PSMD11: variants seen among roughly 807,000 people sequenced by gnomAD.
The protein encoded by PSMD11 is 26S proteasome non-ATPase regulatory subunit 11.
In PSMD11, 5 loss-of-function variants were observed where a neutral mutation model predicts 62.3. That is an observed-to-expected ratio of 0.08 (90% CI 0.04 to 0.17). PSMD11 has a LOEUF of 0.17. Among genes scored for constraint, PSMD11 ranks in the 10% least tolerant of loss-of-function variants. PSMD11 has a pLI of 1.00. For missense variants in PSMD11, 310 were observed against 512.9 expected (o/e 0.60, Z 3.82); for synonymous variants, 191 against 191.8 (o/e 1.00, Z 0.03).
intron 5 of PSMD11, among the ~76,000 whole-genome samples, chr17:32,466,434 C>T (rs1025552471): frequency 2.0e-5 from 3 of 152,204 alleles, no homozygotes; most frequent in Admixed American, 6.5e-5. Flanking sequence ...ATTTGTTTCT[C>T]TGTGATTGTC....
intron 2 of PSMD11, among the ~76,000 whole-genome samples, chr17:32,448,501 G>C (rs909238624): frequency 6.6e-6 from 1 of 151,830 alleles, no homozygotes. Context: ...CCGAGTAGCT[G>C]GGATTGCCAG....
At chr17:32,468,567 T>TA (rs2150836354) in intron 5 of PSMD11, among the ~76,000 whole-genome samples, 1 of 152,328 alleles carries the variant, frequency 6.6e-6, no homozygotes, top group East Asian at 1.9e-4. Flanking sequence ...GAAGAAGGTA[T>TA]ATTTGGAGAA....
At chr17:32,470,943 T>A (rs1462331358) in intron 6 of PSMD11, among the ~76,000 whole-genome samples, 1 of 152,134 alleles carries the variant, frequency 6.6e-6, no homozygotes, top group Non-Finnish European at 1.5e-5. Context: ...GTTTTTTGAG[T>A]AGGCTGGAAG....
intron 7 of PSMD11, 95 bp downstream of exon 7, chr17:32,474,040 T>C (rs1009119309): frequency 4.3e-5 from 62 of 1,456,170 alleles, no homozygotes; most frequent in Non-Finnish European, 9.4e-6. Flanking sequence ...GTTTGGCCAG[T>C]TACAGAAACA....
intron 3 of PSMD11, among the ~76,000 whole-genome samples, chr17:32,461,016 A>T (rs939538385): frequency 6.6e-6 from 1 of 152,040 alleles, no homozygotes; most frequent in Non-Finnish European, 1.5e-5. Context: ...CCTTCCAGGG[A>T]TCTCTGGGGA....
At position 32,449,445 on chromosome 17, in the gene PSMD11, C is replaced by G. The variant is rs529964315; in HGVS notation, c.193+2399C>G. 4.0e-4 allele frequency among the ~76,000 whole-genome samples: 61 copies of G among 152,252 alleles called. 2 individuals are homozygous for G. The South Asian group carries it at 0.012, about 31-fold the overall frequency. On this transcript the variant is annotated intron_variant, in intron 2 of 13. Coordinates refer to ENST00000261712, the MANE Select transcript of PSMD11 (RefSeq NM_002815.4). ...TGTTGTTGAAATATCCAAATTTCTA[C>G]TTTCCTCCAGTGGCATGAATTAAGA...
chr17:32,463,624 A>G (rs1907908212), intron 3 of PSMD11: 1 of 162,990 alleles, frequency 6.1e-6, no homozygotes, highest in Admixed American at 5.8e-5. Flanking sequence ...GCTAGGAATG[A>G]GGCATTAGTG....
intron 12 of PSMD11, 135 bp from the exon 13 acceptor site, chr17:32,480,353 GT>G: frequency 6.9e-7 from 1 of 1,448,676 alleles, no homozygotes; most frequent in East Asian, 2.3e-5. Flanking sequence ...ATAAGCATGT[GT>G]ACATGGAATA....
At position 32,469,087 on chromosome 17, in the gene PSMD11, C is replaced by T; in HGVS notation, c.537C>T (p.Ala179=). 6.2e-7 allele frequency: 1 copy of T among 1,614,010 alleles called. No homozygotes were observed. Among genetic ancestry groups the T allele is most frequent in the Non-Finnish European group, 8.5e-7 (1 of 1,180,012 alleles). Residue 179 remains alanine, a synonymous_variant, in exon 6 of 14, where the codon GCC becomes GCT. Transcript: ENST00000261712. ...VQLLESKTYH[A]LSNLPKARAA... ...TTTTAGAAAGCAAAACATACCATGC[C>T]CTGAGCAACCTGCCGAAAGCCCGAG...
chr17:32,471,963 C>T (rs1908175281), intron 6 of PSMD11, among the ~76,000 whole-genome samples: 1 of 152,068 alleles, frequency 6.6e-6, no homozygotes, highest in South Asian at 2.1e-4. Context: ...CATCAGCCTC[C>T]CAGGCTCACG....
rs570226051 is a variant in PSMD11 at position 32,444,613 on chromosome 17, C to T, written c.90C>T (p.Ile30=). The T allele has an allele frequency of 6.2e-7, 1 of 1,610,848 alleles. No homozygotes were observed. The highest frequency in any genetic ancestry group is 1.1e-5 in the South Asian group (1 of 90,938). The change falls in exon 1 of 14, where the codon ATC becomes ATT. Residue 30 remains isoleucine, a splice_region_variant and synonymous_variant. Transcript: ENST00000261712. ...CCTCCATCGACATCCTCCACTCCAT[C>T]GGTAAAGGTCGCCGCGCCGCCTCCC... ...REASIDILHS[I]VKRDIQENDE...
At chr17:32,479,491 G>A in intron 10 of PSMD11, 115 bp downstream of exon 10, 1 of 1,410,558 alleles carries the variant, frequency 7.1e-7, no homozygotes, top group African/African-American at 1.4e-5. Context: ...GTGGGCAAGA[G>A]GCCACCAAGA....
chr17:32,469,509 G>A (rs187655263), intron 6 of PSMD11, among the ~76,000 whole-genome samples: 33 of 152,242 alleles, frequency 2.2e-4, no homozygotes, highest in Non-Finnish European at 4.4e-4. Context: ...TTTGGGATTG[G>A]CCTACCCCAA....
At chr17:32,458,875 ACCT>A (rs1907726379) in intron 3 of PSMD11, among the ~76,000 whole-genome samples, 1 of 151,466 alleles carries the variant, frequency 6.6e-6, no homozygotes. Flanking sequence ...CTCACATCTT[ACCT>A]CCTCAGAGAC....
intron 1 of PSMD11, chr17:32,445,908 A>G (rs1907318317): frequency 6.6e-6 from 1 of 152,234 alleles, no homozygotes; most frequent in African/African-American, 2.4e-5. Context: ...TAGGTCAGTT[A>G]CTTCTACGGA....
At chr17:32,455,603 AC>A (rs1907625662) in intron 3 of PSMD11, among the ~76,000 whole-genome samples, 1 of 152,178 alleles carries the variant, frequency 6.6e-6, no homozygotes, top group Non-Finnish European at 1.5e-5. Context: ...TTGGAATCAT[AC>A]CTTTTGTAAA....
At chr17:32,452,457 A>G (rs1907533689) in intron 2 of PSMD11, among the ~76,000 whole-genome samples, 1 of 152,224 alleles carries the variant, frequency 6.6e-6, no homozygotes, top group Non-Finnish European at 1.5e-5. Flanking sequence ...TTTTCTGGTC[A>G]GCATCTGGAA....
chr17:32,473,084 CG>C (rs1329248361), intron 6 of PSMD11, among the ~76,000 whole-genome samples: 1 of 150,330 alleles, frequency 6.7e-6, no homozygotes, highest in Non-Finnish European at 1.5e-5. Context: ...CTTGAACCCA[CG>C]AGGCGGAGGT....
intron 10 of PSMD11, 46 bp downstream of exon 10, chr17:32,479,422 G>A: frequency 1.2e-6 from 2 of 1,604,726 alleles, no homozygotes; most frequent in Non-Finnish European, 8.5e-7. Flanking sequence ...CATTCTCACT[G>A]TAGCCACCTC....
Sources: gnomAD v4.1 joint callset for allele counts (sites outside exome capture counted in the v4.1 genomes callset) on GRCh38, gnomAD v4.1.1 for gene constraint, MANE v1.5 for transcripts, NCBI Gene and HGNC (gene_info 2026-07-23, HGNC 2026-07-21) for gene names.